SAMD5: variants seen among roughly 807,000 people sequenced by gnomAD.
SAMD5 encodes sterile alpha motif domain-containing protein 5.
In SAMD5, 13 loss-of-function variants were observed where a neutral mutation model predicts 11.3. The observed-to-expected ratio is 1.15, with a 90% CI of 0.75 to 1.83. The LOEUF (loss-of-function observed/expected upper bound fraction) is 1.83. Among genes scored for constraint, SAMD5 ranks in the 40% most tolerant of loss-of-function variants. The probability of loss-of-function intolerance (pLI) is 0.00; values close to 1 mark genes in which losing one functional copy is unlikely to be tolerated. For missense variants in SAMD5, 255 were observed against 239.1 expected (o/e 1.07, Z -0.44); for synonymous variants, 129 against 111.3 (o/e 1.16, Z -1.00).
chr6:147,741,154 G>T (rs1326208844), downstream of SAMD5, among the ~76,000 whole-genome samples: 1 of 152,110 alleles, frequency 6.6e-6, no homozygotes, highest in Non-Finnish European at 1.5e-5. Flanking sequence ...ATGGACATTA[G>T]ATCTACTAGA....
chr6:147,919,799 A>T, the SAMD5 span, among the ~76,000 whole-genome samples: 1 of 152,312 alleles, frequency 6.6e-6, no homozygotes, highest in East Asian at 1.9e-4. Flanking sequence ...AAAACTTTAT[A>T]GCTGGAGAAA....
downstream of SAMD5, among the ~76,000 whole-genome samples, chr6:147,740,639 C>T (rs1043574722): frequency 3.9e-5 from 6 of 152,148 alleles, no homozygotes; most frequent in South Asian, 4.1e-4. Context: ...GAATTCAGCT[C>T]TTGCTTCAGA....
the SAMD5 span, among the ~76,000 whole-genome samples, chr6:147,746,879 A>G: frequency 2.0e-5 from 3 of 152,178 alleles, no homozygotes; most frequent in Non-Finnish European, 2.9e-5. Context: ...AAGTAGGCTC[A>G]TTTTCTTTAT....
the SAMD5 span, among the ~76,000 whole-genome samples, chr6:147,942,820 C>CTTTTT: frequency 1.3e-5 from 1 of 75,332 alleles, no homozygotes. Context: ...GTTCCCAATG[C>CTTTTT]TTCTTTTTTT....
At chr6:147,587,500 G>A (rs1789391176) in intron 1 of SAMD5, among the ~76,000 whole-genome samples, 1 of 152,140 alleles carries the variant, frequency 6.6e-6, no homozygotes, top group Admixed American at 6.5e-5. Flanking sequence ...ATCTCCCAAT[G>A]TGCTGGCATT....
chr6:147,648,421 G>A (rs1790435525), intron 1 of SAMD5, among the ~76,000 whole-genome samples: 1 of 152,162 alleles, frequency 6.6e-6, no homozygotes, highest in Non-Finnish European at 1.5e-5. Context: ...CCCTGTATAT[G>A]TGGGTATTAT....
At chr6:147,843,974 A>G in the SAMD5 span, among the ~76,000 whole-genome samples, 1 of 152,186 alleles carries the variant, frequency 6.6e-6, no homozygotes, top group East Asian at 1.9e-4. Flanking sequence ...CAAGCAACAA[A>G]AGCAAAAATA....
chr6:147,556,838 G>A (rs1788865686), intron 1 of SAMD5, among the ~76,000 whole-genome samples: 5 of 152,140 alleles, frequency 3.3e-5, no homozygotes, highest in Admixed American at 1.3e-4. Context: ...TATCTACAAC[G>A]ATAGTATGTT....
chr6:147,909,519 A>T, the SAMD5 span, among the ~76,000 whole-genome samples: 1 of 152,134 alleles, frequency 6.6e-6, no homozygotes, highest in Non-Finnish European at 1.5e-5. Context: ...AAAAGAGCTC[A>T]AACGGGGAAC....
At chr6:147,789,678 G>A in the SAMD5 span, among the ~76,000 whole-genome samples, 3 of 152,020 alleles carry the variant, frequency 2.0e-5, no homozygotes, top group East Asian at 5.8e-4. Context: ...TTCTGTTCCA[G>A]GATCTCACCC....
chr6:147,776,619 T>C, the SAMD5 span, among the ~76,000 whole-genome samples: 2 of 152,110 alleles, frequency 1.3e-5, no homozygotes, highest in Non-Finnish European at 2.9e-5. Flanking sequence ...CATCAAGAGG[T>C]GGTCTTTGTA....
chr6:147,921,269 T>G, the SAMD5 span, among the ~76,000 whole-genome samples: 1 of 88,262 alleles, frequency 1.1e-5, no homozygotes, highest in African/African-American at 5.7e-5. Flanking sequence ...AAAGAGAGAG[T>G]ATAAAACACA....
downstream of SAMD5, among the ~76,000 whole-genome samples, chr6:147,574,080 A>G (rs1163293924): frequency 6.6e-6 from 1 of 151,832 alleles, no homozygotes; most frequent in Non-Finnish European, 1.5e-5. Context: ...GTGAGCTGAG[A>G]TCGCGCCACT....
the SAMD5 span, among the ~76,000 whole-genome samples, chr6:147,906,929 A>C: frequency 2.0e-5 from 3 of 151,952 alleles, no homozygotes; most frequent in Non-Finnish European, 4.4e-5. Flanking sequence ...TGTCCTGACA[A>C]ATAGTTTTTT....
Position 147,567,419 on chromosome 6 carries a change from C to A in SAMD5, c.*2963C>A, listed in dbSNP as rs1449510386. On this transcript the variant is annotated 3_prime_UTR_variant, in exon 2 of 2. Coordinates refer to ENST00000367474, the MANE Select transcript of SAMD5 (RefSeq NM_001030060.3). ...TCTGAGTTTAAATTCTAAAATTATT[C>A]TAGTAGTATTTTCCTGCGGTGAATC... is the stretch of plus-strand genomic sequence containing the variant. 4.1e-6 allele frequency: 4 copies of A among 984,228 alleles called. No homozygotes were observed. Among genetic ancestry groups the A allele is most frequent in the Non-Finnish European group, 4.8e-6 (4 of 828,968 alleles). The allele number at this position is 984,228 out of a possible 1,614,324, so 61.0% of individuals were successfully genotyped here.
At chr6:147,515,431 ACCATCCATCCATCCATCCATCCATCCAT>A (rs58973849) in intron 1 of SAMD5, among the ~76,000 whole-genome samples, 3 of 148,644 alleles carry the variant, frequency 2.0e-5, no homozygotes, top group African/African-American at 7.5e-5. Flanking sequence ...CTTCCATCCA[ACCATCCATCCATCCATCCATCCATCCAT>A]CCATCCATCC....
chr6:147,614,428 C>A (rs146195157), intron 1 of SAMD5, among the ~76,000 whole-genome samples: 2 of 150,858 alleles, frequency 1.3e-5, no homozygotes, highest in Non-Finnish European at 2.9e-5. Context: ...GAGATTGTGC[C>A]GTTGCACTCC....
intron 1 of SAMD5, among the ~76,000 whole-genome samples, chr6:147,550,784 A>G (rs976797414): frequency 8.5e-5 from 13 of 152,280 alleles, no homozygotes; most frequent in East Asian, 5.8e-4. Context: ...GAGGGATGAG[A>G]AATTACTTAA....
the SAMD5 span, among the ~76,000 whole-genome samples, chr6:147,944,772 C>T: frequency 1.3e-5 from 2 of 152,202 alleles, no homozygotes; most frequent in African/African-American, 4.8e-5. Flanking sequence ...CATAGTTCTG[C>T]AGGCTGGAAG....
Sources: allele counts gnomAD v4.1 joint callset (sites outside exome capture counted in the v4.1 genomes callset), GRCh38; gene constraint gnomAD v4.1.1; transcripts MANE v1.5; gene names NCBI Gene and HGNC (gene_info 2026-07-23, HGNC 2026-07-21).